Variants in XXYLT1 observed in about 807,000 individuals in gnomAD.
XXYLT1 encodes UDP-xylose:alpha-xyloside alpha-1,3-xylosyltransferase.
In XXYLT1, 20 loss-of-function variants were observed where a neutral mutation model predicts 28.9. That is an observed-to-expected ratio of 0.69 (90% confidence interval 0.49 to 1.00). The LOEUF (loss-of-function observed/expected upper bound fraction) is 1.00. Ranked by LOEUF, XXYLT1 falls within the 50% of genes least tolerant of loss-of-function variation. The probability of loss-of-function intolerance (pLI) is 0.00; values close to 1 mark genes in which losing one functional copy is unlikely to be tolerated. For synonymous variants in XXYLT1, 257 were observed against 253.8 expected (o/e 1.01, Z -0.12); for missense variants, 542 against 560.1 (o/e 0.97, Z 0.33).
chr3:195,177,770 AT>A (rs1267058801), intron 2 of XXYLT1, among the ~76,000 whole-genome samples: 23 of 152,142 alleles, frequency 1.5e-4, no homozygotes, highest in African/African-American at 4.6e-4. Flanking sequence ...TACAAAAAAA[AT>A]AAAAAAATAA....
intron 1 of XXYLT1, among the ~76,000 whole-genome samples, chr3:195,253,153 G>C (rs1035425081): frequency 3.3e-5 from 5 of 152,050 alleles, no homozygotes; most frequent in African/African-American, 1.2e-4. Context: ...CCCTTTTCTT[G>C]GACCCTCCCT....
chr3:195,184,846 T>A, intron 2 of XXYLT1: 3 of 982,226 alleles, frequency 3.1e-6, no homozygotes, highest in Non-Finnish European at 2.4e-6. Flanking sequence ...TTCTCATTCA[T>A]CTTTACCAAT....
Position 195,124,413 on chromosome 3 carries a change from A to G in XXYLT1, c.785+32036T>C, listed in dbSNP as rs1171963613. On this transcript the variant is annotated intron_variant, in intron 3 of 3. Coordinates refer to ENST00000310380, the MANE Select transcript of XXYLT1 (RefSeq NM_152531.5). The surrounding 1 kb of genome is among the most constrained non-coding windows in gnomAD (Gnocchi z 4.1). ...GACCTAGGACTCACCTGGAAGGGAAATGGTTTGCGATGGCAGCATGAGAGA... is the reference window on the plus strand; with the variant it reads ...GACCTAGGACTCACCTGGAAGGGAAGTGGTTTGCGATGGCAGCATGAGAGA... Among the ~76,000 whole-genome samples, 1 of 152,196 alleles carries G rather than the reference A, an allele frequency of 6.6e-6. No individual in the cohort carries two copies. Among genetic ancestry groups the G allele is most frequent in the Non-Finnish European group, 1.5e-5 (1 of 68,032 alleles).
At chr3:195,097,386 G>A (rs1201401823) in intron 3 of XXYLT1, among the ~76,000 whole-genome samples, 2 of 152,156 alleles carry the variant, frequency 1.3e-5, no homozygotes, top group African/African-American at 4.8e-5. Flanking sequence ...GTATCAACAC[G>A]TATCTAGCAC....
chr3:195,265,354 G>A (rs1273723744), intron 1 of XXYLT1, among the ~76,000 whole-genome samples: 1 of 149,564 alleles, frequency 6.7e-6, no homozygotes. Context: ...GTGACAGAAC[G>A]AGACTCCATC....
intron 3 of XXYLT1, among the ~76,000 whole-genome samples, chr3:195,070,928 T>C (rs2720948): frequency 0.13 from 19,199 of 152,250 alleles, 1,370 homozygotes; most frequent in East Asian, 0.29. Flanking sequence ...TCTAGGTTCA[T>C]AGTTCAGGGA....
chr3:195,229,516 C>A (rs1317461578), intron 1 of XXYLT1, among the ~76,000 whole-genome samples: 1 of 152,144 alleles, frequency 6.6e-6, no homozygotes, highest in African/African-American at 2.4e-5. Context: ...TATCCATTAA[C>A]CATCTCCTCC....
intron 3 of XXYLT1, among the ~76,000 whole-genome samples, chr3:195,106,986 C>A (rs1328072871): frequency 1.3e-5 from 2 of 152,164 alleles, no homozygotes; most frequent in Non-Finnish European, 2.9e-5. Context: ...GATGGTAATA[C>A]AATCAGAGGC....
At position 195,188,148 on chromosome 3, in the gene XXYLT1, A is replaced by G. The variant is rs144031888; in HGVS notation, c.653-31567T>C. ...CTAGGGGATGGAATTAAATTAGTTTAGCTCCCAAAAGAATAGTTAATAGAA... is the reference window on the plus strand; with the variant it reads ...CTAGGGGATGGAATTAAATTAGTTTGGCTCCCAAAAGAATAGTTAATAGAA... On this transcript the variant is annotated intron_variant, in intron 2 of 3. Coordinates refer to ENST00000310380, the MANE Select transcript of XXYLT1 (RefSeq NM_152531.5). 7.9e-5 allele frequency among the ~76,000 whole-genome samples: 12 copies of G among 152,380 alleles called. No homozygotes were observed. In the East Asian group the frequency reaches 2.3e-3, roughly 29 times the overall value.
chr3:195,104,223 G>C (rs993606950), intron 3 of XXYLT1, among the ~76,000 whole-genome samples: 1 of 151,088 alleles, frequency 6.6e-6, no homozygotes, highest in Non-Finnish European at 1.5e-5. Flanking sequence ...GTGTGTGTGT[G>C]TGTGTGTGTG....
chr3:195,270,812 C>G lies in XXYLT1; in HGVS notation c.247G>C (p.Gly83Arg). Residue 83 changes from glycine (G) to arginine (R), a missense_variant, in exon 1 of 4, where the codon GGC (glycine) becomes CGC (arginine). Transcript: ENST00000310380. The stretch of plus-strand genomic sequence containing the variant: ...CCCTCCAAGCTCTTGGCCTTCGCGC[C>G]GGGGGCTGGCGCCACGGAGCCCCGC... Reference protein sequence around the residue: ...LARGSVAPAPGAKAKSLEGGG... With the variant: ...LARGSVAPAPRAKAKSLEGGG... The G allele has an allele frequency of 6.8e-7, 1 of 1,463,412 alleles. No individual in the cohort carries two copies. Among genetic ancestry groups the G allele is most frequent in the Non-Finnish European group, 9.0e-7 (1 of 1,106,052 alleles). 90.7% of individuals were successfully genotyped at this position (1,463,412 alleles called of 1,614,324 possible).
intron 3 of XXYLT1, among the ~76,000 whole-genome samples, chr3:195,108,248 G>A (rs939285166): frequency 1.6e-4 from 24 of 152,212 alleles, no homozygotes; most frequent in Admixed American, 9.2e-4. Flanking sequence ...CAACCAGCTA[G>A]GCATAAACAT....
rs1723224131 is a variant in XXYLT1 at position 195,209,643 on chromosome 3, G to A, written c.652+17066C>T. 6.6e-6 allele frequency: 1 copy of A among 152,482 alleles called. No individual in the cohort carries two copies. 9.4% of individuals were successfully genotyped at this position (152,482 alleles called of 1,614,324 possible). ...CCCAGGCAGTGGGACGGCAGAGTGT[G>A]GGTCTGAACCAGAGAAAAAGGCTGC... On this transcript the variant is annotated intron_variant, in intron 2 of 3. Transcript: ENST00000310380. This position sits in a 1 kb window ranked among gnomAD's most constrained non-coding sequence, Gnocchi z 5.0.
intron 2 of XXYLT1, among the ~76,000 whole-genome samples, chr3:195,169,837 ATGTG>A (rs1368856092): frequency 2.0e-5 from 3 of 149,822 alleles, no homozygotes; most frequent in Non-Finnish European, 4.4e-5. Context: ...ATGTATATTA[ATGTG>A]TGTGTGTGTA....
intron 3 of XXYLT1, among the ~76,000 whole-genome samples, chr3:195,070,510 A>C (rs945577456): frequency 5.3e-5 from 8 of 152,200 alleles, no homozygotes; most frequent in Non-Finnish European, 1.0e-4. Context: ...CCTAGTAAGC[A>C]GCAGACGCAG....
At chr3:195,229,833 G>A (rs965225206) in intron 1 of XXYLT1, among the ~76,000 whole-genome samples, 25 of 152,222 alleles carry the variant, frequency 1.6e-4, no homozygotes, top group Non-Finnish European at 1.8e-4. Flanking sequence ...ATTGTGAATA[G>A]TGCTGCAATA....
intron 1 of XXYLT1, among the ~76,000 whole-genome samples, chr3:195,237,296 T>G (rs780530016): frequency 1.3e-5 from 2 of 152,164 alleles, no homozygotes; most frequent in Non-Finnish European, 2.9e-5. Context: ...CTGGTCTAAA[T>G]GCTCCCTCCG....
At chr3:195,088,324 G>T (rs868301911) in intron 3 of XXYLT1, among the ~76,000 whole-genome samples, 14 of 148,526 alleles carry the variant, frequency 9.4e-5, no homozygotes, top group Admixed American at 2.0e-4. Context: ...CTCCCAGCAC[G>T]CAGCTGGAGA....
At chr3:195,270,141 C>T (rs774875413) in intron 1 of XXYLT1, 7 of 410,656 alleles carry the variant, frequency 1.7e-5, no homozygotes, top group African/African-American at 4.2e-5. Flanking sequence ...AGAGGCCTCA[C>T]CAAGGCCCTC....
Sources: allele counts gnomAD v4.1 joint callset (sites outside exome capture counted in the v4.1 genomes callset), GRCh38; gene constraint gnomAD v4.1.1; non-coding constraint Gnocchi (gnomAD v3.1); transcripts MANE v1.5; gene names NCBI Gene and HGNC (gene_info 2026-07-23, HGNC 2026-07-21).